The following SPATA9 variants were observed in gnomAD, a reference collection of about 807,000 sequenced individuals.
SPATA9 encodes spermatogenesis associated 9, also known as spermatogenesis-associated protein 9.
A neutral mutation model predicts 25.5 loss-of-function variants in SPATA9; 27 were observed. The observed-to-expected ratio is 1.06, with a 90% CI of 0.78 to 1.46. SPATA9 has a LOEUF of 1.46. Among genes scored for constraint, SPATA9 ranks in the 40% most tolerant of loss-of-function variants. The probability of loss-of-function intolerance (pLI) is 0.00; values close to 1 mark genes in which losing one functional copy is unlikely to be tolerated. For synonymous variants in SPATA9, 102 were observed against 105.7 expected (o/e 0.97, Z 0.21); for missense variants, 282 against 297.5 (o/e 0.95, Z 0.38).
the SPATA9 span, chr5:95,732,087 A>G: frequency 1.2e-6 from 2 of 1,613,228 alleles, no homozygotes. Flanking sequence ...CCGTCTGGGT[A>G]AGGAAGAGCA....
intron 3 of SPATA9, among the ~76,000 whole-genome samples, chr5:95,668,313 A>G (rs1752027156): frequency 6.6e-6 from 1 of 152,230 alleles, no homozygotes; most frequent in South Asian, 2.1e-4. Context: ...GTCATATTTA[A>G]ATATTTTAAT....
chr5:95,671,451 C>A (rs914377761), intron 3 of SPATA9, among the ~76,000 whole-genome samples: 3 of 152,140 alleles, frequency 2.0e-5, no homozygotes, highest in Non-Finnish European at 2.9e-5. Context: ...GCTCTTGTTG[C>A]CCAGACTGGA....
chr5:95,674,643 T>G (rs1752744327), intron 3 of SPATA9: 4 of 346,680 alleles, frequency 1.2e-5, no homozygotes, highest in Non-Finnish European at 2.3e-5. Context: ...ACCAAGACAC[T>G]GAGCAAAAGC....
the SPATA9 span, chr5:95,717,161 A>G: frequency 6.6e-6 from 1 of 152,196 alleles, no homozygotes; most frequent in Admixed American, 6.5e-5. Context: ...CGTAATGTGG[A>G]TGGGACTCAT....
At chr5:95,708,321 T>G in the SPATA9 span, among the ~76,000 whole-genome samples, 1 of 152,160 alleles carries the variant, frequency 6.6e-6, no homozygotes, top group Non-Finnish European at 1.5e-5. Flanking sequence ...ATTTTTTTTT[T>G]GGATGGTGAA....
chr5:95,715,219 G>A, the SPATA9 span, among the ~76,000 whole-genome samples: 4 of 151,854 alleles, frequency 2.6e-5, no homozygotes, highest in Admixed American at 2.6e-4. Context: ...AGCTATTCGG[G>A]AGGCTGAGGC....
chr5:95,667,066 C>T (rs2112586030), intron 3 of SPATA9, among the ~76,000 whole-genome samples: 1 of 152,250 alleles, frequency 6.6e-6, no homozygotes, highest in East Asian at 1.9e-4. Context: ...GAAATAAGAA[C>T]ACAGGTTCAG....
chr5:95,680,482 T>C (rs1044320171), intron 2 of SPATA9, among the ~76,000 whole-genome samples: 2 of 152,230 alleles, frequency 1.3e-5, no homozygotes, highest in Non-Finnish European at 2.9e-5. Flanking sequence ...AATTCCTCTC[T>C]CCTTTTTCTC....
the SPATA9 span, among the ~76,000 whole-genome samples, chr5:95,720,371 A>T: frequency 6.6e-6 from 1 of 152,242 alleles, no homozygotes; most frequent in Non-Finnish European, 1.5e-5. Context: ...TATGATGGGG[A>T]TCATTAGCAA....
chr5:95,670,822 G>C, intron 3 of SPATA9: 1 of 984,382 alleles, frequency 1.0e-6, no homozygotes, highest in Non-Finnish European at 1.2e-6. Context: ...CATACATTCC[G>C]GTTGCACCTT....
rs565088049 is a variant in SPATA9, at chr5:95,675,423, A to T, written c.367T>A (p.Tyr123Asn). 2 of 1,613,714 alleles carry T rather than the reference A, an allele frequency of 1.2e-6. No homozygotes were observed. Among genetic ancestry groups the T allele is most frequent in the African/African-American group, 2.7e-5 (2 of 74,918 alleles). Residue 123 changes from tyrosine to asparagine, a missense_variant, in exon 3 of 5, where the codon TAT (tyrosine) becomes AAT (asparagine). Coordinates refer to ENST00000274432, the MANE Select transcript of SPATA9 (RefSeq NM_031952.4). ...CAGTATTCCCTTACCTGAATGTTAT[A>T]TAGGGGTTGCCTCGGCGCATTAACT... The part of the protein sequence containing the change: ...REVNAPRQPL[Y>N]NIQVRKGSLF...
chr5:95,683,098 G>A (rs1753596416), upstream of SPATA9: 1 of 937,650 alleles, frequency 1.1e-6, no homozygotes, highest in Non-Finnish European at 1.4e-6. Flanking sequence ...GAGGCATAAG[G>A]GAAGGAGTGA....
chr5:95,674,296 G>C (rs1372770552), intron 3 of SPATA9, among the ~76,000 whole-genome samples: 3 of 152,140 alleles, frequency 2.0e-5, no homozygotes, highest in African/African-American at 4.8e-5. Context: ...TTACCTTCTT[G>C]AAGCAACCCA....
chr5:95,654,204 G>C, downstream of SPATA9: 1 of 1,613,070 alleles, frequency 6.2e-7, no homozygotes, highest in Non-Finnish European at 8.5e-7. Flanking sequence ...TACCACAAGG[G>C]AGAATATCAT....
chr5:95,684,184 A>C (rs563135230), upstream of SPATA9, among the ~76,000 whole-genome samples: 57 of 152,312 alleles, frequency 3.7e-4, no homozygotes, highest in Admixed American at 7.2e-4. Context: ...AACATTTGGA[A>C]AGTGCAATCC....
At chr5:95,656,026 T>A, downstream of SPATA9, 1 of 1,605,788 alleles carries the variant, frequency 6.2e-7, no homozygotes, top group Non-Finnish European at 8.5e-7. Context: ...GAATATTAAA[T>A]GAGTTATTCT....
At chr5:95,657,642 A>T (rs1750841430), downstream of SPATA9, 1 of 151,908 alleles carries the variant, frequency 6.6e-6, no homozygotes, top group Admixed American at 6.6e-5. Flanking sequence ...TATAGTAAAG[A>T]CTCTGCTTAC....
downstream of SPATA9, chr5:95,654,321 A>G (rs775142000): frequency 5.6e-6 from 9 of 1,609,578 alleles, no homozygotes; most frequent in East Asian, 2.2e-5. Flanking sequence ...GTAATATTCA[A>G]TTCCTTTTCA....
intron 3 of SPATA9, among the ~76,000 whole-genome samples, chr5:95,665,713 A>AGT (rs1350266092): frequency 6.6e-6 from 1 of 152,182 alleles, no homozygotes; most frequent in Non-Finnish European, 1.5e-5. Context: ...AGTGGCTCAC[A>AGT]CCTGTAATCC....
Sources: allele counts gnomAD v4.1 joint callset (sites outside exome capture counted in the v4.1 genomes callset), GRCh38; gene constraint gnomAD v4.1.1; transcripts MANE v1.5; gene names NCBI Gene and HGNC (gene_info 2026-07-23, HGNC 2026-07-21).